The following ERC2 variants were observed in gnomAD, a reference collection of about 807,000 sequenced individuals.
The protein encoded by ERC2 is ELKS/RAB6-interacting/CAST family member 2.
ERC2 carries 42 observed loss-of-function variants against 114.8 expected under a neutral mutation model. The observed-to-expected ratio is 0.37, with a 90% CI of 0.29 to 0.47. ERC2 has a LOEUF of 0.47. Among genes scored for constraint, ERC2 ranks in the 20% least tolerant of loss-of-function variants. ERC2 has a pLI of 0.99. For missense variants in ERC2, 939 were observed against 1,150.7 expected (o/e 0.82, Z 2.66); for synonymous variants, 454 against 425.5 (o/e 1.07, Z -0.82).
intron 13 of ERC2, among the ~76,000 whole-genome samples, chr3:55,931,917 G>A (rs2066117960): frequency 6.6e-6 from 1 of 152,120 alleles, no homozygotes; most frequent in Non-Finnish European, 1.5e-5. Context: ...TTCTGCATTT[G>A]TACTGTACTT....
chr3:56,438,718 G>A (rs1220300012), intron 1 of ERC2, among the ~76,000 whole-genome samples: 2 of 152,112 alleles, frequency 1.3e-5, no homozygotes, highest in Non-Finnish European at 2.9e-5. Flanking sequence ...TCCTCTGTCT[G>A]CTCCCTTTGT....
chr3:55,918,796 C>G (rs1377434770), intron 13 of ERC2, among the ~76,000 whole-genome samples: 2 of 150,458 alleles, frequency 1.3e-5, no homozygotes, highest in East Asian at 3.9e-4. Context: ...TTCACTCATT[C>G]TAGACATCAC....
In ERC2 at chr3:56,362,122, T is replaced by A. The variant is rs537004909; in HGVS notation, c.658-65687A>T. Among the ~76,000 whole-genome samples the A allele has an allele frequency of 9.9e-5, 15 of 152,056 alleles. No homozygotes were observed. The East Asian group carries it at 1.9e-3, about 20-fold the overall frequency. ...CAAGGTAGAGAATGAACACTATATC[T>A]CCTGCTAAATGAAAGGAAGGACATT... On this transcript the variant is annotated intron_variant, in intron 2 of 17. Coordinates refer to ENST00000288221, the MANE Select transcript of ERC2 (RefSeq NM_015576.3).
intron 7 of ERC2, among the ~76,000 whole-genome samples, chr3:56,055,022 C>T (rs1163594754): frequency 1.3e-5 from 2 of 152,250 alleles, no homozygotes; most frequent in South Asian, 2.1e-4. Flanking sequence ...AAAGACAATG[C>T]GCGTGTTAGG....
intron 6 of ERC2, among the ~76,000 whole-genome samples, chr3:56,121,510 A>T (rs1293208173): frequency 6.6e-6 from 1 of 152,200 alleles, no homozygotes; most frequent in Non-Finnish European, 1.5e-5. Context: ...CTTATGACTT[A>T]AGTTATTTAA....
chr3:56,108,359 A>G (rs2078780651), intron 6 of ERC2, among the ~76,000 whole-genome samples: 1 of 152,160 alleles, frequency 6.6e-6, no homozygotes, highest in South Asian at 2.1e-4. Flanking sequence ...AGAACAACAC[A>G]CAAAAAATAT....
chr3:55,576,648 A>G (rs566005279), intron 17 of ERC2, among the ~76,000 whole-genome samples: 22 of 152,316 alleles, frequency 1.4e-4, no homozygotes, highest in African/African-American at 5.3e-4. Flanking sequence ...CCAAGCCAAG[A>G]GATAGAGAAG....
chr3:55,717,853 G>A (rs190580496), intron 15 of ERC2, among the ~76,000 whole-genome samples: 2 of 152,196 alleles, frequency 1.3e-5, no homozygotes, highest in Non-Finnish European at 2.9e-5. Context: ...TCAATCCACA[G>A]ATCGTGCAGA....
intron 3 of ERC2, among the ~76,000 whole-genome samples, chr3:56,268,946 G>A (rs561331149): frequency 3.9e-5 from 6 of 152,228 alleles, no homozygotes; most frequent in South Asian, 2.1e-4. Context: ...TATGTGGTAC[G>A]CCTTAAATTT....
chr3:56,046,595 A>G (rs1239379097), intron 7 of ERC2, among the ~76,000 whole-genome samples: 2 of 152,246 alleles, frequency 1.3e-5, no homozygotes, highest in African/African-American at 4.8e-5. Context: ...GGCTGAAGAT[A>G]TAACAAATAC....
intron 6 of ERC2, among the ~76,000 whole-genome samples, chr3:56,132,801 A>G (rs1348265237): frequency 6.6e-6 from 1 of 152,196 alleles, no homozygotes; most frequent in African/African-American, 2.4e-5. Flanking sequence ...ATATGAATAT[A>G]TGTGTATGTA....
chr3:55,846,478 G>A (rs1055279405), intron 14 of ERC2, among the ~76,000 whole-genome samples: 4 of 152,058 alleles, frequency 2.6e-5, no homozygotes, highest in Non-Finnish European at 5.9e-5. Context: ...ATGCCTCTAT[G>A]GTAGAAAGAT....
chr3:55,593,539 A>C (rs1367087886), intron 17 of ERC2, among the ~76,000 whole-genome samples: 1 of 152,206 alleles, frequency 6.6e-6, no homozygotes, highest in Non-Finnish European at 1.5e-5. Flanking sequence ...TCTTCAAAAC[A>C]TCTCTCACTT....
intron 10 of ERC2, among the ~76,000 whole-genome samples, chr3:55,993,982 C>G (rs1191349426): frequency 6.6e-6 from 1 of 152,100 alleles, no homozygotes; most frequent in Non-Finnish European, 1.5e-5. Flanking sequence ...AAGAAAGTAA[C>G]TACTCCATAT....
In ERC2 at chr3:56,054,945, G is replaced by C. The variant is rs551985541; in HGVS notation, c.1641+25872C>G. Among the ~76,000 whole-genome samples, 8 of 152,190 alleles carry C rather than the reference G, an allele frequency of 5.3e-5. 1 individual carries two copies. The South Asian group carries it at 1.7e-3, about 32-fold the overall frequency. On this transcript the variant is annotated intron_variant, in intron 7 of 17. Transcript: ENST00000288221. ...TAAGATCTGACATGGGCCAAATGTC[G>C]GTCTTCAGAGGCTCACAGCCCTCAT...
intron 17 of ERC2, among the ~76,000 whole-genome samples, chr3:55,621,087 A>G (rs965961550): frequency 6.6e-6 from 1 of 152,114 alleles, no homozygotes; most frequent in East Asian, 1.9e-4. Flanking sequence ...TCATATTAGC[A>G]TCATCCATAC....
intron 2 of ERC2, among the ~76,000 whole-genome samples, chr3:56,331,251 G>A (rs1312948157): frequency 6.6e-6 from 1 of 152,008 alleles, no homozygotes; most frequent in African/African-American, 2.4e-5. Flanking sequence ...GCCCTTTATT[G>A]TCTAAGTCTT....
intron 14 of ERC2, among the ~76,000 whole-genome samples, chr3:55,886,617 C>G (rs982589301): frequency 2.0e-5 from 3 of 152,128 alleles, no homozygotes; most frequent in African/African-American, 7.2e-5. Context: ...TTATTTAATA[C>G]TACACTATAT....
intron 17 of ERC2, among the ~76,000 whole-genome samples, chr3:55,629,797 A>C (rs1257503863): frequency 1.3e-5 from 2 of 152,236 alleles, no homozygotes; most frequent in East Asian, 3.8e-4. Flanking sequence ...AAAACAGGGG[A>C]ATGTGACAGA....
Sources: gnomAD v4.1 joint callset for allele counts (sites outside exome capture counted in the v4.1 genomes callset) on GRCh38, gnomAD v4.1.1 for gene constraint, MANE v1.5 for transcripts, NCBI Gene and HGNC (gene_info 2026-07-23, HGNC 2026-07-21) for gene names.